The following LARP6 variants were observed in gnomAD, a reference collection of about 807,000 sequenced individuals.
The protein encoded by LARP6 is La ribonucleoprotein 6, translational regulator.
A neutral mutation model predicts 32.8 loss-of-function variants in LARP6; 18 were observed. The observed-to-expected ratio is 0.55, with a 90% CI of 0.38 to 0.81. The LOEUF is 0.81. LARP6 is among the 40% of genes least tolerant of loss of function. LARP6 has a pLI of 0.00. For synonymous variants in LARP6, 289 were observed against 267.2 expected (o/e 1.08, Z -0.80); for missense variants, 598 against 663.1 (o/e 0.90, Z 1.08).
chr15:70,845,820 T>C (rs2032335545), intron 1 of LARP6, among the ~76,000 whole-genome samples: 1 of 152,272 alleles, frequency 6.6e-6, no homozygotes, highest in African/African-American at 2.4e-5. Context: ...AGTGGCAGGC[T>C]TCACATGAGG....
At chr15:70,837,883 T>C (rs922376861) in intron 1 of LARP6, among the ~76,000 whole-genome samples, 2 of 152,154 alleles carry the variant, frequency 1.3e-5, no homozygotes, top group Non-Finnish European at 2.9e-5. Context: ...GGACCAGAAG[T>C]GTTTCAGATT....
chr15:70,851,255 T>C (rs895015528), intron 1 of LARP6, among the ~76,000 whole-genome samples: 1 of 152,242 alleles, frequency 6.6e-6, no homozygotes, highest in African/African-American at 2.4e-5. Flanking sequence ...TGTATATCCA[T>C]TCACCAAATA....
At chr15:70,841,214 G>A (rs2032252590) in intron 1 of LARP6, among the ~76,000 whole-genome samples, 1 of 152,024 alleles carries the variant, frequency 6.6e-6, no homozygotes, top group Non-Finnish European at 1.5e-5. Flanking sequence ...CGCCCGGCCG[G>A]GCAGTATAAT....
chr15:70,846,549 C>T (rs1432738191), intron 1 of LARP6, among the ~76,000 whole-genome samples: 1 of 151,982 alleles, frequency 6.6e-6, no homozygotes, highest in East Asian at 1.9e-4. Context: ...GTCGAGGCTA[C>T]AGTAAGCCAT....
intron 2 of LARP6, among the ~76,000 whole-genome samples, chr15:70,834,611 G>C (rs992107176): frequency 7.2e-5 from 11 of 152,262 alleles, no homozygotes; most frequent in Non-Finnish European, 1.5e-4. Flanking sequence ...ACAGAAGTCT[G>C]TGGGGGACCA....
rs1453535693 is a variant in LARP6 at position 70,831,976 on chromosome 15, G to A, written c.*76C>T. ...CTCAAAGGGGAACGAATTCCATTCT[G>A]TCATGCCAGGTGTTTGTCAGAACCT... is the stretch of plus-strand genomic sequence containing the variant. On this transcript the variant is annotated 3_prime_UTR_variant, in exon 3 of 3. Transcript: ENST00000299213. 9.9e-7 allele frequency: 1 copy of A among 1,011,732 alleles called. No homozygotes were observed. Among genetic ancestry groups the A allele is most frequent in the Admixed American group, 2.6e-5 (1 of 38,302 alleles). 62.7% of individuals were successfully genotyped at this position (1,011,732 alleles called of 1,614,324 possible).
chr15:70,832,195 C>A lies in LARP6; in HGVS notation c.1333G>T (p.Glu445Ter). ...AGGGGACTCGTACCGGGGCTTTTCT[C>A]CTGGGTCCCCATCTCGGCTTGGCGA... ...RRRQAEMGTQ[E>*]KSPGTSPLLS... The change falls in exon 3 of 3, where the codon GAG becomes TAG. Residue 445 changes from glutamate to a stop codon, truncating the protein, a stop_gained. Transcript: ENST00000299213. LOFTEE classifies it high-confidence loss of function. 1 of 1,614,084 alleles carries A rather than the reference C, an allele frequency of 6.2e-7. No individual in the cohort carries two copies. The highest frequency in any genetic ancestry group is 8.5e-7 in the Non-Finnish European group (1 of 1,179,970).
chr15:70,849,354 T>G (rs2032405778), intron 1 of LARP6: 1 of 155,588 alleles, frequency 6.4e-6, no homozygotes, highest in Non-Finnish European at 1.4e-5. Context: ...CAAGACCCTG[T>G]CTCAAAAACA....
At chr15:70,851,857 A>G (rs2141060533) in intron 1 of LARP6, 1 of 1,436,590 alleles carries the variant, frequency 7.0e-7, no homozygotes, top group Non-Finnish European at 9.4e-7. Flanking sequence ...GAGAAGAGGC[A>G]GCGAAGTTTT....
At chr15:70,837,221 A>G (rs966816778) in intron 1 of LARP6, among the ~76,000 whole-genome samples, 8 of 152,032 alleles carry the variant, frequency 5.3e-5, no homozygotes, top group Non-Finnish European at 1.2e-4. Context: ...AACAACAACA[A>G]CAACAACAAA....
At chr15:70,840,912 C>CT (rs71438504) in intron 1 of LARP6, among the ~76,000 whole-genome samples, 67,719 of 139,510 alleles carry the variant, frequency 0.49, 17,693 homozygotes, top group Admixed American at 0.65. Context: ...TCTTTTCTCT[C>CT]TTTTTTTTTT....
intron 2 of LARP6, among the ~76,000 whole-genome samples, chr15:70,834,326 C>T (rs1174589932): frequency 6.6e-6 from 1 of 152,096 alleles, no homozygotes; most frequent in African/African-American, 2.4e-5. Context: ...GAACACGGGT[C>T]CAAGGGCACA....
At chr15:70,840,145 A>G (rs1358607272) in intron 1 of LARP6, among the ~76,000 whole-genome samples, 1 of 152,246 alleles carries the variant, frequency 6.6e-6, no homozygotes, top group East Asian at 1.9e-4. Context: ...CGAAGGGAAA[A>G]CATCAGTGGG....
intron 2 of LARP6, among the ~76,000 whole-genome samples, chr15:70,833,835 C>T (rs774219294): frequency 6.6e-6 from 1 of 152,236 alleles, no homozygotes; most frequent in Non-Finnish European, 1.5e-5. Flanking sequence ...ATGACATGGA[C>T]TACTTCAACT....
rs2032186367 is a variant in LARP6, at chr15:70,838,457, G to T, written c.201-1952C>A. 2.0e-5 allele frequency among the ~76,000 whole-genome samples: 3 copies of T among 152,108 alleles called. No individual in the cohort carries two copies. In the South Asian group the frequency reaches 6.2e-4, roughly 32 times the overall value. On this transcript the variant is annotated intron_variant, in intron 1 of 2. Coordinates refer to ENST00000299213, the MANE Select transcript of LARP6 (RefSeq NM_018357.4). Reference sequence around the variant, plus strand: ...TAAACTCAAATCCTCTGTCTCCAAAGCCAGTATACATAATACCTTATATGT... The same window carrying T: ...TAAACTCAAATCCTCTGTCTCCAAATCCAGTATACATAATACCTTATATGT...
At chr15:70,847,012 G>A (rs2032359926) in intron 1 of LARP6, among the ~76,000 whole-genome samples, 1 of 152,184 alleles carries the variant, frequency 6.6e-6, no homozygotes, top group Non-Finnish European at 1.5e-5. Flanking sequence ...CCCGAACACT[G>A]AGTTGAGAGT....
intron 2 of LARP6, among the ~76,000 whole-genome samples, chr15:70,835,377 G>C (rs1025222595): frequency 6.6e-6 from 1 of 152,154 alleles, no homozygotes; most frequent in African/African-American, 2.4e-5. Context: ...TCAAGGACAG[G>C]GGGAGTACGA....
At chr15:70,843,768 G>A (rs1365978835) in intron 1 of LARP6, among the ~76,000 whole-genome samples, 1 of 137,124 alleles carries the variant, frequency 7.3e-6, no homozygotes, top group Non-Finnish European at 1.5e-5. Flanking sequence ...TGATTCTTCT[G>A]TCTCAGCCTC....
chr15:70,834,664 T>A (rs1271581919), intron 2 of LARP6, among the ~76,000 whole-genome samples: 2 of 152,090 alleles, frequency 1.3e-5, no homozygotes, highest in Non-Finnish European at 2.9e-5. Context: ...GGACTGAATA[T>A]CCCTCCTGAG....
Sources: gnomAD v4.1 joint callset for allele counts (sites outside exome capture counted in the v4.1 genomes callset) on GRCh38, gnomAD v4.1.1 for gene constraint, MANE v1.5 for transcripts, NCBI Gene and HGNC (gene_info 2026-07-23, HGNC 2026-07-21) for gene names.